Variants in PKIB observed in about 807,000 individuals in gnomAD.
The protein encoded by PKIB is cAMP-dependent protein kinase inhibitor beta, also known as PKI-beta.
In PKIB, 2 loss-of-function variants were observed where a neutral mutation model predicts 4.5. The observed-to-expected ratio is 0.44, with a 90% CI of 0.18 to 1.39. PKIB has a LOEUF of 1.39. PKIB is among the 40% of genes most tolerant of loss of function. PKIB has a pLI of 0.27. For synonymous variants in PKIB, 38 were observed against 36.0 expected (o/e 1.06, Z -0.20); for missense variants, 94 against 92.6 (o/e 1.02, Z -0.06).
intron 2 of PKIB, among the ~76,000 whole-genome samples, chr6:122,541,037 A>G (rs541396868): frequency 6.6e-6 from 1 of 151,120 alleles, no homozygotes; most frequent in Admixed American, 6.6e-5. Flanking sequence ...TTTGCTTGGT[A>G]GATCTTCCTC....
chr6:122,524,956 G>C (rs1368243847), intron 2 of PKIB, among the ~76,000 whole-genome samples: 1 of 150,070 alleles, frequency 6.7e-6, no homozygotes, highest in African/African-American at 2.4e-5. Context: ...GCCTATTCTT[G>C]CTTTATTTAT....
At chr6:122,704,682 C>T (rs1174143762) in intron 3 of PKIB, among the ~76,000 whole-genome samples, 1 of 151,640 alleles carries the variant, frequency 6.6e-6, no homozygotes, top group Non-Finnish European at 1.5e-5. Flanking sequence ...TTTAGATATG[C>T]AGTGTCATGT....
chr6:122,692,929 A>C (rs1562305287), intron 3 of PKIB, among the ~76,000 whole-genome samples: 1 of 152,252 alleles, frequency 6.6e-6, no homozygotes, highest in East Asian at 1.9e-4. Context: ...CTTGGCAATT[A>C]GCAATACTTT....
rs149443796 is a variant in PKIB, at chr6:122,683,679, G to A, written c.-9+8535G>A. ...CTCTACCCCAACAATCTACTCCCAA[G>A]CAAGATGGCTTTACCAATGTAGTAA... is the stretch of plus-strand genomic sequence containing the variant. On this transcript the variant is annotated intron_variant, in intron 3 of 4. Coordinates refer to ENST00000368452, the MANE Select transcript of PKIB (RefSeq NM_181795.3). 7.2e-5 allele frequency among the ~76,000 whole-genome samples: 11 copies of A among 152,250 alleles called. No homozygotes were observed. The East Asian group carries it at 2.1e-3, about 29-fold the overall frequency.
intron 1 of PKIB, among the ~76,000 whole-genome samples, chr6:122,632,840 C>T (rs1168555255): frequency 2.0e-5 from 3 of 152,046 alleles, no homozygotes; most frequent in East Asian, 3.9e-4. Flanking sequence ...GGCTATCATT[C>T]ACCTAGTGAA....
At chr6:122,638,499 C>G (rs1223795550) in intron 2 of PKIB, among the ~76,000 whole-genome samples, 1 of 152,200 alleles carries the variant, frequency 6.6e-6, no homozygotes, top group Admixed American at 6.5e-5. Flanking sequence ...CTCCAGAGAG[C>G]ACTCACTCTG....
intron 3 of PKIB, among the ~76,000 whole-genome samples, chr6:122,591,243 C>A (rs780500156): frequency 6.6e-6 from 1 of 151,274 alleles, no homozygotes; most frequent in Non-Finnish European, 1.5e-5. Context: ...ACACGTTTTC[C>A]CAGATTAGAC....
At chr6:122,700,830 C>T (rs1175039254) in intron 3 of PKIB, among the ~76,000 whole-genome samples, 1 of 152,198 alleles carries the variant, frequency 6.6e-6, no homozygotes, top group Non-Finnish European at 1.5e-5. Flanking sequence ...GTGGCTGCCT[C>T]TTCCTCTAGG....
intron 2 of PKIB, chr6:122,581,986 G>A (rs1228199852): frequency 6.6e-6 from 1 of 152,014 alleles, no homozygotes; most frequent in Non-Finnish European, 1.5e-5. Flanking sequence ...AATTTTTTAA[G>A]TGTTTATGTT....
chr6:122,637,304 A>G (rs935707024), intron 2 of PKIB, among the ~76,000 whole-genome samples: 3 of 152,202 alleles, frequency 2.0e-5, no homozygotes, highest in African/African-American at 7.2e-5. Context: ...GAATTAATGA[A>G]TCAATAAATT....
At chr6:122,572,965 A>G (rs1773414170) in intron 2 of PKIB, among the ~76,000 whole-genome samples, 1 of 152,206 alleles carries the variant, frequency 6.6e-6, no homozygotes, top group South Asian at 2.1e-4. Flanking sequence ...AAGCAGCAAG[A>G]TTAAATCAGT....
chr6:122,713,883 A>G (rs1202024454), intron 3 of PKIB, among the ~76,000 whole-genome samples: 1 of 152,234 alleles, frequency 6.6e-6, no homozygotes, highest in Non-Finnish European at 1.5e-5. Context: ...TTGCATTCAT[A>G]ATGCTCTCCC....
intron 2 of PKIB, among the ~76,000 whole-genome samples, chr6:122,561,770 C>CT (rs1773018728): frequency 6.6e-6 from 1 of 151,934 alleles, no homozygotes; most frequent in African/African-American, 2.4e-5. Flanking sequence ...CATGAAATGC[C>CT]TTTTTCCACC....
chr6:122,545,497 A>G (rs1772466466), intron 2 of PKIB, among the ~76,000 whole-genome samples: 1 of 151,698 alleles, frequency 6.6e-6, no homozygotes, highest in African/African-American at 2.4e-5. Flanking sequence ...ATGTGGGTAA[A>G]TTGCGTGATG....
In PKIB at chr6:122,543,786, G is replaced by A. The variant is rs115397577; in HGVS notation, c.-247-42135G>A. On this transcript the variant is annotated intron_variant, in intron 2 of 6. Transcript: ENST00000392491. ...AAAGTGCTGTCGATCTGCTGTATACGAACTGAAAGTAATACTTTCAACTCA... is the reference window on the plus strand; with the variant it reads ...AAAGTGCTGTCGATCTGCTGTATACAAACTGAAAGTAATACTTTCAACTCA... Among the ~76,000 whole-genome samples the A allele has an allele frequency of 2.7e-3, 403 of 152,020 alleles. 10 individuals carry two copies. Among genetic ancestry groups the A allele is most frequent in the African/African-American group, 9.2e-3 (380 of 41,380 alleles).
At chr6:122,670,406 C>T (rs1777409803) in intron 2 of PKIB, among the ~76,000 whole-genome samples, 1 of 152,108 alleles carries the variant, frequency 6.6e-6, no homozygotes, top group Non-Finnish European at 1.5e-5. Context: ...TGCCCATTGC[C>T]AAGGCTATTT....
At chr6:122,540,052 C>G (rs1481905791) in intron 2 of PKIB, among the ~76,000 whole-genome samples, 7 of 151,932 alleles carry the variant, frequency 4.6e-5, no homozygotes, top group South Asian at 2.1e-4. Flanking sequence ...TTTATTGCGT[C>G]TATTTGATTC....
intron 2 of PKIB, among the ~76,000 whole-genome samples, chr6:122,575,682 T>C (rs1318695018): frequency 1.3e-5 from 2 of 152,142 alleles, no homozygotes; most frequent in East Asian, 1.9e-4. Context: ...AAACCAAATA[T>C]TGTATGCTCT....
At chr6:122,684,011 A>T (rs1778002587) in intron 3 of PKIB, among the ~76,000 whole-genome samples, 1 of 152,264 alleles carries the variant, frequency 6.6e-6, no homozygotes, top group African/African-American at 2.4e-5. Flanking sequence ...TGGTATATTT[A>T]TACCTTCAAA....
Sources: allele counts gnomAD v4.1 joint callset (sites outside exome capture counted in the v4.1 genomes callset), GRCh38; gene constraint gnomAD v4.1.1; transcripts MANE v1.5; gene names NCBI Gene and HGNC (gene_info 2026-07-23, HGNC 2026-07-21).